Variants in ITPR1 observed in about 807,000 individuals in gnomAD.
The protein encoded by ITPR1 is inositol 1,4,5-trisphosphate receptor type 1.
ITPR1 carries 96 observed loss-of-function variants against 318.4 expected under a neutral mutation model. The ratio of observed to expected loss-of-function variants is 0.30; its 90% CI spans 0.26 to 0.36. The LOEUF (loss-of-function observed/expected upper bound fraction) is 0.36. Among genes scored for constraint, ITPR1 ranks in the 10% least tolerant of loss-of-function variants. The pLI is 1.00. For synonymous variants in ITPR1, 1,312 were observed against 1,289.9 expected (o/e 1.02, Z -0.37); for missense variants, 2,440 against 3,460.2 (o/e 0.71, Z 7.40).
At chr3:4,632,475 T>C (rs1268159502) in intron 5 of ITPR1, among the ~76,000 whole-genome samples, 1 of 152,190 alleles carries the variant, frequency 6.6e-6, no homozygotes, top group African/African-American at 2.4e-5. Flanking sequence ...GGGGCAGCTC[T>C]ACTTCCCTAC....
intron 4 of ITPR1, among the ~76,000 whole-genome samples, chr3:4,554,326 T>C (rs951276911): frequency 1.3e-5 from 2 of 152,226 alleles, no homozygotes; most frequent in African/African-American, 4.8e-5. Flanking sequence ...TGGCACATCA[T>C]AGGTGCTCCA....
intron 61 of ITPR1, among the ~76,000 whole-genome samples, chr3:4,838,997 CA>C (rs1234715129): frequency 6.6e-6 from 1 of 152,158 alleles, no homozygotes; most frequent in Non-Finnish European, 1.5e-5. Flanking sequence ...TGAGCCTCAT[CA>C]AAGGAGTGAG....
intron 55 of ITPR1, among the ~76,000 whole-genome samples, chr3:4,810,360 T>G (rs2048855396): frequency 6.6e-6 from 1 of 152,204 alleles, no homozygotes; most frequent in Non-Finnish European, 1.5e-5. Flanking sequence ...TATCTGTGAC[T>G]GTAGCTCTTG....
intron 4 of ITPR1, among the ~76,000 whole-genome samples, chr3:4,612,433 G>C (rs2092187456): frequency 6.6e-6 from 1 of 152,068 alleles, no homozygotes; most frequent in Admixed American, 6.6e-5. Context: ...ATCCCCCATG[G>C]ATACCAAAGG....
chr3:4,637,953 TG>T (rs1200940971), intron 5 of ITPR1, among the ~76,000 whole-genome samples: 2 of 152,298 alleles, frequency 1.3e-5, no homozygotes, highest in African/African-American at 4.8e-5. Flanking sequence ...TATGATCAAA[TG>T]GCAATTATGT....
Position 4,609,021 on chromosome 3 carries a change from A to C in ITPR1, c.164-18742A>C, listed in dbSNP as rs968132513. On this transcript the variant is annotated intron_variant, in intron 4 of 61. Coordinates refer to ENST00000649015, the MANE Select transcript of ITPR1 (RefSeq NM_001378452.1). Reference sequence around the variant, plus strand: ...GTCTTTAAAAAAAAAAAAAAAAAAAAAAAACAAAAGAAAACAACAACAACA... The same window carrying C: ...GTCTTTAAAAAAAAAAAAAAAAAAACAAAACAAAAGAAAACAACAACAACA... 5.3e-3 allele frequency among the ~76,000 whole-genome samples: 726 copies of C among 135,958 alleles called. 7 individuals carry two copies. The highest frequency in any genetic ancestry group is 9.4e-3 in the Non-Finnish European group (600 of 63,808). The allele number at this position is 135,958 out of a possible 152,430, so 89.2% of individuals were successfully genotyped here.
intron 4 of ITPR1, among the ~76,000 whole-genome samples, chr3:4,535,137 G>C (rs2083742345): frequency 6.6e-6 from 1 of 151,828 alleles, no homozygotes; most frequent in African/African-American, 2.4e-5. Context: ...CCTTGATCTG[G>C]GCGGGGGGAG....
At chr3:4,724,026 AT>A (rs1422201262) in intron 40 of ITPR1, among the ~76,000 whole-genome samples, 1 of 152,188 alleles carries the variant, frequency 6.6e-6, no homozygotes, top group African/African-American at 2.4e-5. Flanking sequence ...TCTTTCTATC[AT>A]TTTGAAAATA....
At chr3:4,513,314 C>G (rs569206423) in intron 2 of ITPR1, among the ~76,000 whole-genome samples, 10 of 152,334 alleles carry the variant, frequency 6.6e-5, no homozygotes, top group African/African-American at 1.7e-4. Context: ...CCTCCTCCCC[C>G]CATCTCCTTC....
At chr3:4,565,471 A>C (rs1160523201) in intron 4 of ITPR1, among the ~76,000 whole-genome samples, 1 of 152,230 alleles carries the variant, frequency 6.6e-6, no homozygotes, top group East Asian at 1.9e-4. Flanking sequence ...GAGAAGATTA[A>C]TTAGTTAATA....
At chr3:4,696,855 T>C (rs1309960089) in intron 33 of ITPR1, among the ~76,000 whole-genome samples, 1 of 152,202 alleles carries the variant, frequency 6.6e-6, no homozygotes, top group African/African-American at 2.4e-5. Context: ...GAATGGTGCC[T>C]TTTTATGAAC....
chr3:4,826,452 A>G lies in ITPR1; in HGVS notation c.8028+8210A>G, dbSNP rs2050083070. Among the ~76,000 whole-genome samples, 1 of 152,196 alleles carries G rather than the reference A, an allele frequency of 6.6e-6. No homozygotes were observed. Among genetic ancestry groups the G allele is most frequent in the East Asian group, 1.9e-4 (1 of 5,192 alleles). Reference sequence around the variant, plus strand: ...GTTAGCTGGCACCACGGCAGAGTCAAGAATATCGGAGCAGGGAGGAGTGAA... The same window carrying G: ...GTTAGCTGGCACCACGGCAGAGTCAGGAATATCGGAGCAGGGAGGAGTGAA... On this transcript the variant is annotated intron_variant, in intron 60 of 61. Coordinates refer to ENST00000649015, the MANE Select transcript of ITPR1 (RefSeq NM_001378452.1). This position sits in a 1 kb window ranked among gnomAD's most constrained non-coding sequence, Gnocchi z 4.2.
chr3:4,538,252 CT>C (rs2124968507), intron 4 of ITPR1, among the ~76,000 whole-genome samples: 1 of 152,228 alleles, frequency 6.6e-6, no homozygotes, highest in South Asian at 2.1e-4. Flanking sequence ...TGAACAGACA[CT>C]TCTCAAAAGA....
intron 4 of ITPR1, among the ~76,000 whole-genome samples, chr3:4,529,037 C>T (rs906019392): frequency 3.9e-5 from 6 of 152,118 alleles, no homozygotes; most frequent in African/African-American, 9.7e-5. Flanking sequence ...CACACTGCAG[C>T]GTATCCCTCA....
At chr3:4,711,928 C>A (rs1194072252) in intron 39 of ITPR1, 60 bp downstream of exon 39, 3 of 757,064 alleles carry the variant, frequency 4.0e-6, no homozygotes, top group Non-Finnish European at 6.2e-6. Context: ...AGGGAGGGAC[C>A]TTTCAAAACC....
At chr3:4,588,967 A>T (rs900526832) in intron 4 of ITPR1, among the ~76,000 whole-genome samples, 4 of 152,132 alleles carry the variant, frequency 2.6e-5, no homozygotes, top group African/African-American at 9.7e-5. Flanking sequence ...ATTCTGCTCT[A>T]AACCGTCATT....
intron 5 of ITPR1, among the ~76,000 whole-genome samples, chr3:4,636,584 A>C (rs927839085): frequency 6.6e-6 from 1 of 152,146 alleles, no homozygotes; most frequent in Admixed American, 6.5e-5. Context: ...GCCCGCCACC[A>C]TGCCCAGCTA....
At chr3:4,536,234 T>A (rs2083858879) in intron 4 of ITPR1, among the ~76,000 whole-genome samples, 1 of 152,246 alleles carries the variant, frequency 6.6e-6, no homozygotes, top group Non-Finnish European at 1.5e-5. Context: ...TATTGTTGTA[T>A]CTCTTTGTCA....
chr3:4,510,883 A>G (rs1282323673), intron 2 of ITPR1, among the ~76,000 whole-genome samples: 1 of 152,114 alleles, frequency 6.6e-6, no homozygotes, highest in Non-Finnish European at 1.5e-5. Flanking sequence ...TGGGGTAGGG[A>G]CGAGAGTGTT....
Sources: allele counts gnomAD v4.1 joint callset (sites outside exome capture counted in the v4.1 genomes callset), GRCh38; gene constraint gnomAD v4.1.1; non-coding constraint Gnocchi (gnomAD v3.1); transcripts MANE v1.5; gene names NCBI Gene and HGNC (gene_info 2026-07-23, HGNC 2026-07-21).